ZNF385C: variants seen among roughly 807,000 people sequenced by gnomAD.
The protein encoded by ZNF385C is CTD-2132N18.2.
ZNF385C carries 28 observed loss-of-function variants against 35.4 expected under a neutral mutation model. The ratio of observed to expected loss-of-function variants is 0.79; its 90% confidence interval spans 0.59 to 1.08. ZNF385C has a LOEUF of 1.08. Among genes scored for constraint, ZNF385C ranks in the 50% least tolerant of loss-of-function variants. ZNF385C has a pLI of 0.00. For synonymous variants in ZNF385C, 248 were observed against 248.2 expected, an observed-to-expected ratio of 1.00 and a Z score of 0.01; for missense variants, 605 against 595.6, an observed-to-expected ratio of 1.02 and a Z score of -0.16.
rs782692189 is a variant in ZNF385C, at chr17:42,028,123, C to T, written c.1091G>A (p.Arg364Gln). 1.9e-5 allele frequency: 31 copies of T among 1,612,714 alleles called. No homozygotes were observed. The highest frequency in any genetic ancestry group is 1.6e-4 in the Middle Eastern group (1 of 6,062). Residue 364 changes from arginine to glutamine, a missense_variant, in exon 7 of 9, where the codon CGG becomes CAG. By Grantham distance (43) the Arg-to-Gln change is conservative. Transcript: ENST00000692273. ...AKRVTGGRGG[R>Q]QGPSPAFHCA... The stretch of plus-strand genomic sequence containing the variant: ...GTGGAAGGCAGGGCTGGGCCCCTGC[C>T]GGCCGCCCCGGCCCCCTGTGACTCT...
chr17:42,086,075 A>T (rs1468174828), intron 1 of ZNF385C, among the ~76,000 whole-genome samples: 1 of 152,050 alleles, frequency 6.6e-6, no homozygotes, highest in Non-Finnish European at 1.5e-5. Flanking sequence ...CTCGAAAAAT[A>T]ATAACAATAC....
chr17:42,085,429 C>A (rs868947547), intron 1 of ZNF385C, among the ~76,000 whole-genome samples: 1 of 150,944 alleles, frequency 6.6e-6, no homozygotes, highest in Admixed American at 6.6e-5. Context: ...CCACCACGTC[C>A]GGCTAATTTT....
In ZNF385C at chr17:42,050,936, A is replaced by G. The variant is rs1285138899; in HGVS notation, c.250+11871T>C. 6.6e-6 allele frequency among the ~76,000 whole-genome samples: 1 copy of G among 152,148 alleles called. No homozygotes were observed. The highest frequency in any genetic ancestry group is 1.5e-5 in the Non-Finnish European group (1 of 68,016). On this transcript the variant is annotated intron_variant, in intron 2 of 8. Coordinates refer to ENST00000692273, the MANE Select transcript of ZNF385C (RefSeq NM_001392013.1). The surrounding 1 kb of genome is among the most constrained non-coding windows in gnomAD (Gnocchi z 5.6). ...ACAGGTAGAGCGCGGTAGAGGCTGC[A>G]AAGTGTTCTGAGAGTTTGGAAGCAA...
intron 2 of ZNF385C, chr17:42,040,033 A>C: frequency 8.1e-7 from 1 of 1,230,914 alleles, no homozygotes; most frequent in Non-Finnish European, 1.0e-6. Flanking sequence ...GCCGAATACT[A>C]CGCGCTTAAA....
intron 1 of ZNF385C, among the ~76,000 whole-genome samples, chr17:42,093,816 C>T (rs1445290897): frequency 1.3e-5 from 2 of 151,378 alleles, no homozygotes; most frequent in South Asian, 2.1e-4. Flanking sequence ...ACTCCTTGAC[C>T]TCAAGCAATC....
intron 1 of ZNF385C, among the ~76,000 whole-genome samples, chr17:42,080,797 C>T (rs1032422703): frequency 2.0e-5 from 3 of 152,198 alleles, no homozygotes; most frequent in Non-Finnish European, 4.4e-5. Context: ...TCCTGTGCCC[C>T]CCAGGCCCAC....
chr17:42,051,027 C>T (rs1451060147), intron 2 of ZNF385C, among the ~76,000 whole-genome samples: 1 of 152,062 alleles, frequency 6.6e-6, no homozygotes, highest in Non-Finnish European at 1.5e-5. Flanking sequence ...AATTAGGGTT[C>T]GCAGCATTCT....
rs1014696733 is a variant in ZNF385C, at chr17:42,037,709, T to C, written c.399+28A>G. 3.4e-6 allele frequency: 5 copies of C among 1,489,190 alleles called. No homozygotes were observed. The East Asian group carries it at 7.5e-5, about 22-fold the overall frequency. 92.2% of individuals were successfully genotyped at this position (1,489,190 alleles called of 1,614,324 possible). A position where few individuals can be genotyped will look rare whatever the true frequency, so the allele number is the denominator to read the frequency against. ...GTGCCCACCCACAAGCTTGTGTGCA[T>C]GCCCCCACCCGCCAGCCCAGCCCAT... On this transcript the variant is annotated intron_variant, in intron 3 of 8. Coordinates refer to ENST00000692273, the MANE Select transcript of ZNF385C (RefSeq NM_001392013.1).
chr17:42,042,790 C>T, intron 2 of ZNF385C: 1 of 1,227,834 alleles, frequency 8.1e-7, no homozygotes. Flanking sequence ...GCTCAGTGTC[C>T]TCCCTTCCCA....
chr17:42,067,458 A>G (rs1555658517), intron 1 of ZNF385C, among the ~76,000 whole-genome samples: 1 of 152,044 alleles, frequency 6.6e-6, no homozygotes, highest in African/African-American at 2.4e-5. Context: ...TCCCACAGAT[A>G]GCCTCCAGGT....
In ZNF385C at chr17:42,031,749, G is replaced by A. The variant is rs984371378; in HGVS notation, c.546C>T (p.His182=). The part of the protein sequence containing the change: ...QAEAHYKGHK[H]ARKLKAVEAA... ...CCTCGACAGCCTTGAGTTTTCTGGCGTGTTTGTGGCCTTTATAATGTGCCT... is the reference window on the plus strand; with the variant it reads ...CCTCGACAGCCTTGAGTTTTCTGGCATGTTTGTGGCCTTTATAATGTGCCT... The change falls in exon 5 of 9, where the codon CAC becomes CAT. Residue 182 remains histidine, a synonymous_variant. Transcript: ENST00000692273. The A allele has an allele frequency of 2.6e-5, 41 of 1,550,762 alleles. No homozygotes were observed. Among genetic ancestry groups the A allele is most frequent in the Non-Finnish European group, 3.5e-5 (40 of 1,147,090 alleles).
At chr17:42,043,925 TGAG>T (rs1267896562) in intron 2 of ZNF385C, among the ~76,000 whole-genome samples, 1 of 152,020 alleles carries the variant, frequency 6.6e-6, no homozygotes, top group African/African-American at 2.4e-5. Flanking sequence ...TCAGGGCCCA[TGAG>T]GAGTTCATAG....
chr17:42,091,276 G>T (rs1345737391), intron 1 of ZNF385C, among the ~76,000 whole-genome samples: 2 of 152,120 alleles, frequency 1.3e-5, no homozygotes, highest in Admixed American at 1.3e-4. Context: ...TGTCTCTACA[G>T]AAAATGTAAC....
intron 2 of ZNF385C, chr17:42,043,185 G>C: frequency 8.1e-7 from 1 of 1,232,264 alleles, no homozygotes. Context: ...TGCCCACAGT[G>C]AAGGCGTTTT....
intron 2 of ZNF385C, chr17:42,043,554 C>T (rs1453992401): frequency 3.4e-5 from 15 of 440,900 alleles, no homozygotes; most frequent in Non-Finnish European, 4.5e-5. Flanking sequence ...CCTGCTCTGC[C>T]GGTGGGAGAC....
At chr17:42,068,331 G>A (rs2053577198) in intron 1 of ZNF385C, among the ~76,000 whole-genome samples, 1 of 152,184 alleles carries the variant, frequency 6.6e-6, no homozygotes, top group African/African-American at 2.4e-5. Context: ...TGGGGAAACT[G>A]AGTTCCAGAG....
intron 1 of ZNF385C, among the ~76,000 whole-genome samples, chr17:42,081,641 G>T (rs1437807049): frequency 6.6e-6 from 1 of 152,184 alleles, no homozygotes; most frequent in Non-Finnish European, 1.5e-5. Flanking sequence ...CTTCCAAAGT[G>T]CTGGGATTAC....
At chr17:42,058,921 T>C (rs994197648) in intron 2 of ZNF385C, among the ~76,000 whole-genome samples, 2 of 152,090 alleles carry the variant, frequency 1.3e-5, no homozygotes, top group African/African-American at 4.8e-5. Flanking sequence ...CCTCCCAAAG[T>C]GTTGGGATGA....
At chr17:42,054,429 T>TG (rs1460667740) in intron 2 of ZNF385C, among the ~76,000 whole-genome samples, 1 of 152,194 alleles carries the variant, frequency 6.6e-6, no homozygotes, top group Non-Finnish European at 1.5e-5. Flanking sequence ...AGAGAGGTGT[T>TG]GCCACTTTAT....
Sources: allele counts gnomAD v4.1 joint callset (sites outside exome capture counted in the v4.1 genomes callset), GRCh38; gene constraint gnomAD v4.1.1; non-coding constraint Gnocchi (gnomAD v3.1); transcripts MANE v1.5; gene names NCBI Gene and HGNC (gene_info 2026-07-23, HGNC 2026-07-21).